Variants in UBR2 observed in about 807,000 individuals in gnomAD.
UBR2 encodes E3 ubiquitin-protein ligase UBR2.
A neutral mutation model predicts 247.9 loss-of-function variants in UBR2; 92 were observed. The ratio of observed to expected loss-of-function variants is 0.37; its 90% CI spans 0.31 to 0.44. The LOEUF is 0.44. Ranked by LOEUF, UBR2 falls within the 20% of genes least tolerant of loss-of-function variation. The pLI, the probability that UBR2 is intolerant of heterozygous loss-of-function variation, is 1.00. For missense variants in UBR2, 1,613 were observed against 2,112.6 expected (o/e 0.76, Z 4.64); for synonymous variants, 672 against 693.5 (o/e 0.97, Z 0.49).
intron 2 of UBR2, among the ~76,000 whole-genome samples, chr6:42,588,730 C>T (rs186557122): frequency 6.6e-6 from 1 of 152,294 alleles, no homozygotes; most frequent in Non-Finnish European, 1.5e-5. Context: ...CCCCACCCCT[C>T]CCCTCTTCCG....
chr6:42,611,023 T>G (rs568971913), intron 7 of UBR2, among the ~76,000 whole-genome samples: 2 of 151,414 alleles, frequency 1.3e-5, no homozygotes, highest in African/African-American at 4.8e-5. Flanking sequence ...TTTTTGTATT[T>G]TTAGTAGAGA....
At chr6:42,598,856 A>T (rs548486269) in intron 4 of UBR2, among the ~76,000 whole-genome samples, 5 of 152,238 alleles carry the variant, frequency 3.3e-5, no homozygotes, top group South Asian at 2.1e-4. Flanking sequence ...TGTTACCTTG[A>T]CTATGGTTTA....
intron 25 of UBR2, among the ~76,000 whole-genome samples, 169 bp from the exon 26 acceptor site, chr6:42,655,452 C>CA (rs200885359): frequency 0.014 from 1,199 of 84,724 alleles, 10 homozygotes; most frequent in East Asian, 0.067. Flanking sequence ...AACTCCATCT[C>CA]AAAAAAAAAA....
intron 23 of UBR2, among the ~76,000 whole-genome samples, chr6:42,651,377 T>C (rs1797099970): frequency 6.6e-6 from 1 of 152,138 alleles, no homozygotes; most frequent in Non-Finnish European, 1.5e-5. Context: ...TTTAAGTACA[T>C]GTTTCCCTTC....
At chr6:42,656,012 A>G (rs886362351) in intron 26 of UBR2, among the ~76,000 whole-genome samples, 29 of 152,204 alleles carry the variant, frequency 1.9e-4, no homozygotes, top group African/African-American at 7.0e-4. Flanking sequence ...GTCATTTCAT[A>G]TAAAGAAATG....
intron 2 of UBR2, among the ~76,000 whole-genome samples, chr6:42,591,168 C>G (rs1472401427): frequency 1.3e-5 from 2 of 152,188 alleles, no homozygotes; most frequent in African/African-American, 4.8e-5. Context: ...GGGAGGATTG[C>G]TTGAGTCCAA....
chr6:42,619,447 A>C (rs1217355160), intron 11 of UBR2: 1 of 29,622 alleles, frequency 3.4e-5, no homozygotes, highest in Non-Finnish European at 6.5e-5. Flanking sequence ...ATATATATAT[A>C]TATATATTTT....
rs1798356548 is a variant in UBR2 at position 42,670,336 on chromosome 6, G to A, written c.4030+96G>A. The A allele has an allele frequency of 5.6e-6, 8 of 1,437,702 alleles. No homozygotes were observed. The East Asian group carries it at 1.6e-4, about 29-fold the overall frequency. 89.1% of individuals were successfully genotyped at this position (1,437,702 alleles called of 1,614,324 possible). A position where few individuals can be genotyped will look rare whatever the true frequency, so the allele number is the denominator to read the frequency against. On this transcript the variant is annotated intron_variant, in intron 35 of 46. Transcript: ENST00000372901. ...TTTTTAAATGAAATGTTTGAAGTGG[G>A]TAACAACGTGAAGAAATAATAAAAA...
intron 36 of UBR2, 61 bp downstream of exon 36, chr6:42,670,776 C>T: frequency 1.5e-6 from 2 of 1,366,072 alleles, no homozygotes; most frequent in South Asian, 1.3e-5. Flanking sequence ...GGTTCTGCTG[C>T]TTTTAATCTT....
intron 11 of UBR2, 31 bp downstream of exon 11, chr6:42,617,538 T>C (rs1475815198): frequency 1.9e-6 from 3 of 1,539,276 alleles, no homozygotes; most frequent in Non-Finnish European, 2.6e-6. Context: ...AGAACTTTCT[T>C]GTTTTCCATT....
chr6:42,614,634 G>A (rs1040229172), intron 8 of UBR2, among the ~76,000 whole-genome samples: 6 of 152,036 alleles, frequency 3.9e-5, no homozygotes, highest in Admixed American at 3.3e-4. Context: ...TTAATAAAAT[G>A]CATTGCTATA....
intron 36 of UBR2, 29 bp from the exon 37 acceptor site, chr6:42,673,762 T>G: frequency 6.3e-7 from 1 of 1,581,630 alleles, no homozygotes; most frequent in Non-Finnish European, 8.7e-7. Flanking sequence ...GCATTTTTGT[T>G]TTTTGTTAAT....
intron 29 of UBR2, 48 bp downstream of exon 29, chr6:42,658,872 A>G (rs779111214): frequency 1.3e-6 from 2 of 1,491,176 alleles, no homozygotes; most frequent in South Asian, 2.8e-5. Flanking sequence ...GTTTTTCCCA[A>G]CTAGGGGCAG....
chr6:42,674,155 C>A lies in UBR2; in HGVS notation c.4213C>A (p.Leu1405Ile), dbSNP rs1798589156. 6.2e-7 allele frequency: 1 copy of A among 1,613,806 alleles called. No homozygotes were observed. The highest frequency in any genetic ancestry group is 1.7e-5 in the Admixed American group (1 of 59,966). ...SLVPNDSHEE[L>I]PCILDIDMFH... ...GGTGCCTAATGACAGCCATGAGGAA[C>A]TTCCATGCATATTAGATATTGACAT... The change falls in exon 38 of 47, where the codon CTT becomes ATT. Residue 1405 changes from leucine to isoleucine, a missense_variant. Leu to Ile is a conservative substitution (Grantham distance 5, BLOSUM62 2). Transcript: ENST00000372901.
At chr6:42,626,929 A>AT (rs746671894) in intron 11 of UBR2, among the ~76,000 whole-genome samples, 1 of 152,124 alleles carries the variant, frequency 6.6e-6, no homozygotes, top group African/African-American at 2.4e-5. Flanking sequence ...TTCTGTACAT[A>AT]TTTTGTAACC....
rs1798922153 is a variant in UBR2, at chr6:42,679,757, G to A, written c.4643G>A (p.Ser1548Asn). 1.8e-5 allele frequency: 29 copies of A among 1,613,210 alleles called. No individual in the cohort carries two copies. The highest frequency in any genetic ancestry group is 2.5e-5 in the Non-Finnish European group (29 of 1,179,790). Residue 1548 changes from serine (S) to asparagine (N), a missense_variant, in exon 42 of 47, where the codon AGC (serine) becomes AAC (asparagine). Physicochemically the swap from Ser to Asn is conservative, Grantham distance 46. Around this residue, in one of 3 missense-constraint regions of UBR2, gnomAD observed 1,524 missense variants for 1,967.3 expected, o/e 0.77. Transcript: ENST00000372901. ...ACAAGCCATTTTGAACATTTATGTA[G>A]CTATCTTTCCCTACCAAACAACCTC... ...PGTSHFEHLC[S>N]YLSLPNNLIC... is the part of the protein sequence containing the mutation.
rs570167365 is a variant in UBR2, at chr6:42,682,200, T to C, written c.4719-855T>C. On this transcript the variant is annotated intron_variant, in intron 42 of 46. Coordinates refer to ENST00000372901, the MANE Select transcript of UBR2 (RefSeq NM_001363705.2). ...TATGATTCCACTTCACTGAGGTACC[T>C]AGAGTAGTCAAATTTATAGAAACAG... Among the ~76,000 whole-genome samples, 3 of 152,260 alleles carry C rather than the reference T, an allele frequency of 2.0e-5. No homozygotes were observed. The East Asian group carries it at 5.8e-4, about 29-fold the overall frequency.
chr6:42,579,274 G>A (rs1056702507), intron 2 of UBR2, among the ~76,000 whole-genome samples: 3 of 151,966 alleles, frequency 2.0e-5, no homozygotes, highest in African/African-American at 4.8e-5. Context: ...GAGGTGCCAC[G>A]CTTTTAAACA....
At chr6:42,662,739 C>A (rs1053591370) in intron 31 of UBR2, among the ~76,000 whole-genome samples, 1 of 152,104 alleles carries the variant, frequency 6.6e-6, no homozygotes, top group Admixed American at 6.6e-5. Flanking sequence ...ACCAACAAAT[C>A]AATAATACTA....
Sources: gnomAD v4.1 joint callset for allele counts (sites outside exome capture counted in the v4.1 genomes callset) on GRCh38, gnomAD v4.1.1 for gene constraint, gnomAD v4.1.1 regional missense constraint, MANE v1.5 for transcripts, NCBI Gene and HGNC (gene_info 2026-07-23, HGNC 2026-07-21) for gene names.